RORB: variants seen among roughly 807,000 people sequenced by gnomAD.
RORB encodes the protein RAR related orphan receptor B, also known as nuclear receptor ROR-beta.
In RORB, 6 loss-of-function variants were observed where a neutral mutation model predicts 59.1. That is an observed-to-expected ratio of 0.10 (90% CI 0.06 to 0.20). The LOEUF is 0.20. RORB is among the 10% of genes least tolerant of loss of function. RORB has a pLI of 1.00. For missense variants in RORB, 320 were observed against 560.5 expected (o/e 0.57, Z 4.33); for synonymous variants, 215 against 204.5 (o/e 1.05, Z -0.44).
At chr9:74,683,384 GAC>G (rs1320308967) in intron 9 of RORB, among the ~76,000 whole-genome samples, 5 of 152,132 alleles carry the variant, frequency 3.3e-5, no homozygotes, top group African/African-American at 1.2e-4. Flanking sequence ...ATATAGAAAA[GAC>G]ACAGTTTTCC....
chr9:74,651,851 T>C (rs1436498825), intron 4 of RORB, among the ~76,000 whole-genome samples: 1 of 152,214 alleles, frequency 6.6e-6, no homozygotes, highest in Non-Finnish European at 1.5e-5. Flanking sequence ...CACTTTTAAA[T>C]GTAATCTTTT....
chr9:74,579,181 C>T (rs1822681979), intron 1 of RORB, among the ~76,000 whole-genome samples: 1 of 151,952 alleles, frequency 6.6e-6, no homozygotes, highest in Non-Finnish European at 1.5e-5. Flanking sequence ...TTATAAGAAG[C>T]ATCCCATTTC....
In RORB at chr9:74,688,507, T is replaced by C. The variant is rs1429068813; in HGVS notation, c.*2889T>C. 1.3e-5 allele frequency: 2 copies of C among 152,134 alleles called. No individual in the cohort carries two copies. The highest frequency in any genetic ancestry group is 2.9e-5 in the Non-Finnish European group (2 of 68,030). The allele number at this position is 152,134 out of a possible 1,614,324, so 9.4% of individuals were successfully genotyped here. ...GGAAGAAAAAATCCACAATCTGGGCTTCTCACTTCGTGCTTCATAAATGAC... is the reference window on the plus strand; with the variant it reads ...GGAAGAAAAAATCCACAATCTGGGCCTCTCACTTCGTGCTTCATAAATGAC... On this transcript the variant is annotated 3_prime_UTR_variant, in exon 10 of 10. Coordinates refer to ENST00000376896, the MANE Select transcript of RORB (RefSeq NM_006914.4).
At chr9:74,669,791 A>C (rs925911740) in intron 8 of RORB, among the ~76,000 whole-genome samples, 1 of 152,160 alleles carries the variant, frequency 6.6e-6, no homozygotes, top group Non-Finnish European at 1.5e-5. Context: ...TTTTTCAATG[A>C]AACTGGAAGA....
intron 1 of RORB, 57 bp downstream of exon 1, chr9:74,498,040 G>C: frequency 1.3e-6 from 2 of 1,585,856 alleles, no homozygotes; most frequent in South Asian, 1.1e-5. Flanking sequence ...CAGCCAGACG[G>C]GGAGATGGGG....
intron 5 of RORB, among the ~76,000 whole-genome samples, chr9:74,661,807 A>G (rs1296499131): frequency 6.6e-6 from 1 of 151,138 alleles, no homozygotes; most frequent in Admixed American, 6.6e-5. Flanking sequence ...CACCACGCCC[A>G]GCTAATTTTT....
At chr9:74,559,162 C>T (rs773701903) in intron 1 of RORB, among the ~76,000 whole-genome samples, 1 of 152,176 alleles carries the variant, frequency 6.6e-6, no homozygotes, top group Non-Finnish European at 1.5e-5. Context: ...TATAAAATTA[C>T]TACTGTTTCG....
chr9:74,505,564 G>A (rs1307761896), intron 1 of RORB, among the ~76,000 whole-genome samples: 1 of 152,042 alleles, frequency 6.6e-6, no homozygotes, highest in African/African-American at 2.4e-5. Context: ...TCGAAGCTAG[G>A]ATCAAAGAGA....
In RORB at chr9:74,665,999, G is replaced by C. The variant is rs562315910; in HGVS notation, c.1000+404G>C. The stretch of plus-strand genomic sequence containing the variant: ...TCTACAAAAAGTACAAAAATTAGCT[G>C]GGCATCACCAGGTGTGGTGGCTCAT... On this transcript the variant is annotated intron_variant, in intron 7 of 9. Transcript: ENST00000376896. Among the ~76,000 whole-genome samples the C allele has an allele frequency of 2.0e-5, 3 of 152,226 alleles. No individual in the cohort carries two copies. In the East Asian group the frequency reaches 5.8e-4, roughly 29 times the overall value.
chr9:74,665,085 AATCAAAAC>A (rs1824244644), intron 6 of RORB, among the ~76,000 whole-genome samples: 1 of 152,204 alleles, frequency 6.6e-6, no homozygotes. Context: ...TGAATTCAGG[AATCAAAAC>A]TAGCTTTAAT....
intron 1 of RORB, among the ~76,000 whole-genome samples, chr9:74,579,634 T>G (rs1056462419): frequency 6.6e-6 from 1 of 152,118 alleles, no homozygotes; most frequent in African/African-American, 2.4e-5. Flanking sequence ...AAACCTGAAC[T>G]TGAGAAACCC....
intron 1 of RORB, among the ~76,000 whole-genome samples, chr9:74,499,661 A>C (rs1340794943): frequency 1.3e-5 from 2 of 152,142 alleles, no homozygotes; most frequent in Non-Finnish European, 2.9e-5. Context: ...ATACTTGGGC[A>C]ATTGGAGAGT....
In RORB at chr9:74,607,855, G is replaced by A. The variant is rs531220652; in HGVS notation, c.8-22427G>A. ...AGCATTTCTGATACTATACTGTTAA[G>A]ATCAGTGAAGCAACACAGAATTGTG... On this transcript the variant is annotated intron_variant, in intron 1 of 9. Transcript: ENST00000376896. Among the ~76,000 whole-genome samples, 3 of 152,300 alleles carry A rather than the reference G, an allele frequency of 2.0e-5. No homozygotes were observed. The South Asian group carries it at 6.2e-4, about 32-fold the overall frequency.
chr9:74,571,091 TAA>T (rs1164260304), intron 1 of RORB, among the ~76,000 whole-genome samples: 1 of 152,074 alleles, frequency 6.6e-6, no homozygotes, highest in Non-Finnish European at 1.5e-5. Flanking sequence ...ATCCCAAGGC[TAA>T]GTCAGTACTG....
At chr9:74,628,217 T>C (rs1228839187) in intron 1 of RORB, among the ~76,000 whole-genome samples, 1 of 152,204 alleles carries the variant, frequency 6.6e-6, no homozygotes, top group Non-Finnish European at 1.5e-5. Flanking sequence ...TACTAGCTCG[T>C]GTAATCTAAA....
chr9:74,635,750 C>T (rs1823690538), intron 3 of RORB, among the ~76,000 whole-genome samples: 1 of 152,058 alleles, frequency 6.6e-6, no homozygotes, highest in African/African-American at 2.4e-5. Context: ...GATTCTGGGC[C>T]TCTGGTCGCA....
intron 9 of RORB, among the ~76,000 whole-genome samples, chr9:74,678,609 A>T (rs1429150131): frequency 6.6e-6 from 1 of 152,204 alleles, no homozygotes; most frequent in Non-Finnish European, 1.5e-5. Flanking sequence ...ATTTAGGAAA[A>T]ACAGTCATGT....
chr9:74,620,205 G>T (rs554320872), intron 1 of RORB, among the ~76,000 whole-genome samples: 31 of 152,116 alleles, frequency 2.0e-4, no homozygotes, highest in Admixed American at 5.9e-4. Context: ...TATTAATTAC[G>T]GCCTCAATTT....
chr9:74,638,750 T>C (rs1823744632), intron 3 of RORB, among the ~76,000 whole-genome samples: 1 of 152,236 alleles, frequency 6.6e-6, no homozygotes, highest in Admixed American at 6.5e-5. Flanking sequence ...GTAATTTTTT[T>C]CCCAAATTTG....
Sources: allele counts gnomAD v4.1 joint callset (sites outside exome capture counted in the v4.1 genomes callset), GRCh38; gene constraint gnomAD v4.1.1; transcripts MANE v1.5; gene names NCBI Gene and HGNC (gene_info 2026-07-23, HGNC 2026-07-21).